The following WWOX variants were observed in gnomAD, a reference collection of about 807,000 sequenced individuals.
The protein encoded by WWOX is WW domain containing oxidoreductase.
In WWOX, 69 loss-of-function variants were observed where a neutral mutation model predicts 46.2. The observed-to-expected ratio is 1.49, with a 90% CI of 1.23 to 1.82. WWOX has a LOEUF of 1.82. WWOX is among the 40% of genes most tolerant of loss of function. The pLI, the probability that WWOX is intolerant of heterozygous loss-of-function variation, is 0.00. For missense variants in WWOX, 919 were observed against 542.6 expected (o/e 1.69, Z -6.89); for synonymous variants, 359 against 202.6 (o/e 1.77, Z -6.56).
chr16:78,128,812 G>A (rs2151693498), intron 4 of WWOX, among the ~76,000 whole-genome samples: 1 of 152,218 alleles, frequency 6.6e-6, no homozygotes, highest in Middle Eastern at 3.4e-3. Flanking sequence ...ATTTTACTGT[G>A]TGGCTGTGTG....
At chr16:79,199,143 A>T (rs1210202285) in intron 8 of WWOX, among the ~76,000 whole-genome samples, 1 of 152,104 alleles carries the variant, frequency 6.6e-6, no homozygotes, top group African/African-American at 2.4e-5. Flanking sequence ...GCTCACTGCA[A>T]CCTCTGCCTC....
chr16:78,663,361 C>A (rs930180335), intron 8 of WWOX, among the ~76,000 whole-genome samples: 1 of 152,132 alleles, frequency 6.6e-6, no homozygotes, highest in Non-Finnish European at 1.5e-5. Context: ...AATACTTCAT[C>A]CCCTTGTATG....
Position 78,346,593 on chromosome 16 carries a change from G to C in WWOX, c.517-40267G>C, listed in dbSNP as rs1397096257. Among the ~76,000 whole-genome samples the C allele has an allele frequency of 2.5e-5, 3 of 119,174 alleles. 1 individual carries two copies. Among genetic ancestry groups the C allele is most frequent in the Admixed American group, 1.6e-4 (2 of 12,280 alleles). The allele number at this position is 119,174 out of a possible 152,430, so 78.2% of individuals were successfully genotyped here. On this transcript the variant is annotated intron_variant, in intron 5 of 8. Transcript: ENST00000566780. ...ATTGGTCTTCTAAATTTTCTGTTTGGGTACATAGTGGTATTTTGTTGTATA... is the reference window on the plus strand; with the variant it reads ...ATTGGTCTTCTAAATTTTCTGTTTGCGTACATAGTGGTATTTTGTTGTATA...
chr16:78,629,091 T>A lies in WWOX; in HGVS notation c.1056+196339T>A, dbSNP rs184630783. On this transcript the variant is annotated intron_variant, in intron 8 of 8. Coordinates refer to ENST00000566780, the MANE Select transcript of WWOX (RefSeq NM_016373.4). ...GTGCTTACATATTTCAAAATGTGAATGTAAGTAGATTTAGCAAAGTTAAAA... is the reference window on the plus strand; with the variant it reads ...GTGCTTACATATTTCAAAATGTGAAAGTAAGTAGATTTAGCAAAGTTAAAA... Among the ~76,000 whole-genome samples the A allele has an allele frequency of 3.3e-5, 5 of 152,322 alleles. No homozygotes were observed. The East Asian group carries it at 7.7e-4, about 23-fold the overall frequency.
At chr16:78,388,718 C>G (rs1381830277) in intron 6 of WWOX, among the ~76,000 whole-genome samples, 1 of 148,782 alleles carries the variant, frequency 6.7e-6, no homozygotes, top group African/African-American at 2.5e-5. Context: ...GCCTGTAATC[C>G]CAGCACTTTG....
At chr16:78,639,086 A>G (rs1186479209) in intron 8 of WWOX, among the ~76,000 whole-genome samples, 1 of 152,214 alleles carries the variant, frequency 6.6e-6, no homozygotes, top group African/African-American at 2.4e-5. Context: ...GCTGGGCCTA[A>G]AAGACCAGTC....
chr16:78,470,343 C>G (rs537941988), intron 8 of WWOX, among the ~76,000 whole-genome samples: 1 of 152,154 alleles, frequency 6.6e-6, no homozygotes, highest in African/African-American at 2.4e-5. Flanking sequence ...CTTTGCCTCA[C>G]CTGATGTATT....
intron 8 of WWOX, among the ~76,000 whole-genome samples, chr16:78,748,060 T>A (rs1320233490): frequency 6.6e-6 from 1 of 152,114 alleles, no homozygotes; most frequent in Non-Finnish European, 1.5e-5. Flanking sequence ...TGCAGAAGTG[T>A]CCCCTGTCTG....
chr16:79,055,554 A>G (rs9933485), intron 8 of WWOX, among the ~76,000 whole-genome samples: 6,792 of 152,238 alleles, frequency 0.045, 475 homozygotes, highest in African/African-American at 0.15. Flanking sequence ...ACTGAAAATC[A>G]GAAAGAAGTT....
chr16:79,212,027 C>T lies in WWOX; in HGVS notation c.*231C>T, dbSNP rs556420201. The T allele has an allele frequency of 6.5e-7, 1 of 1,536,270 alleles. No homozygotes were observed. On this transcript the variant is annotated 3_prime_UTR_variant, in exon 9 of 9. Coordinates refer to ENST00000566780, the MANE Select transcript of WWOX (RefSeq NM_016373.4). ...GGCTAGGCATAGGTCTCTTTGCTTTCTGGTGGTGGCCTGTTTGAAAGTAAA... is the reference window on the plus strand; with the variant it reads ...GGCTAGGCATAGGTCTCTTTGCTTTTTGGTGGTGGCCTGTTTGAAAGTAAA...
At chr16:78,431,324 A>G (rs905107726) in intron 7 of WWOX, among the ~76,000 whole-genome samples, 1 of 152,220 alleles carries the variant, frequency 6.6e-6, no homozygotes, top group Non-Finnish European at 1.5e-5. Context: ...GTATAAGACT[A>G]TTGATGGTAC....
chr16:78,888,737 C>G (rs565207802), intron 8 of WWOX, among the ~76,000 whole-genome samples: 2 of 152,306 alleles, frequency 1.3e-5, no homozygotes, highest in East Asian at 3.9e-4. Context: ...CAACGAAATA[C>G]ATTCCCCTAA....
intron 4 of WWOX, among the ~76,000 whole-genome samples, chr16:78,144,490 C>CACACATATATATATATAT (rs1567596501): frequency 1.4e-4 from 1 of 7,190 alleles, no homozygotes; most frequent in Non-Finnish European, 2.4e-4. Flanking sequence ...TATATATACA[C>CACACATATATATATATAT]ACACACACAC....
intron 7 of WWOX, among the ~76,000 whole-genome samples, chr16:78,429,184 A>G (rs1394390458): frequency 2.0e-5 from 3 of 152,212 alleles, no homozygotes; most frequent in African/African-American, 7.2e-5. Context: ...CAGGTGATCA[A>G]TTGACTTACA....
At position 79,169,641 on chromosome 16, in the gene WWOX, A is replaced by G. The variant is rs2050662059; in HGVS notation, c.1057-41967A>G. Among the ~76,000 whole-genome samples the G allele has an allele frequency of 4.6e-5, 7 of 152,206 alleles. No homozygotes were observed. In the South Asian group the frequency reaches 1.5e-3, roughly 32 times the overall value. On this transcript the variant is annotated intron_variant, in intron 8 of 8. Coordinates refer to ENST00000566780, the MANE Select transcript of WWOX (RefSeq NM_016373.4). ...AGCTAAAGACAGAAATGATGGCACA[A>G]GCCCTAACCAACAACTAGGAAGGTA...
intron 8 of WWOX, among the ~76,000 whole-genome samples, chr16:79,211,034 AGTGTGT>A (rs58334968): frequency 0.022 from 3,323 of 149,704 alleles, 114 homozygotes; most frequent in African/African-American, 0.069. Flanking sequence ...TATGGTGAGG[AGTGTGT>A]GTGTGTGTGT....
intron 8 of WWOX, among the ~76,000 whole-genome samples, chr16:79,091,258 T>C (rs1426070206): frequency 6.6e-6 from 1 of 152,028 alleles, no homozygotes; most frequent in Admixed American, 6.5e-5. Context: ...AACTAAGTAG[T>C]AGTTGGGGCA....
At chr16:78,888,258 G>C (rs1486932065) in intron 8 of WWOX, among the ~76,000 whole-genome samples, 1 of 152,158 alleles carries the variant, frequency 6.6e-6, no homozygotes, top group African/African-American at 2.4e-5. Flanking sequence ...TCTCCCTTCT[G>C]AAAGTGACTT....
intron 8 of WWOX, among the ~76,000 whole-genome samples, chr16:78,794,897 C>A (rs189811619): frequency 1.2e-4 from 18 of 152,302 alleles, no homozygotes; most frequent in Admixed American, 1.1e-3. Context: ...AAATGACTTG[C>A]CTTTTGTATG....
Sources: gnomAD v4.1 joint callset for allele counts (sites outside exome capture counted in the v4.1 genomes callset) on GRCh38, gnomAD v4.1.1 for gene constraint, MANE v1.5 for transcripts, NCBI Gene and HGNC (gene_info 2026-07-23, HGNC 2026-07-21) for gene names.